The following ZNF407 variants were observed in gnomAD, a reference collection of about 807,000 sequenced individuals.
The protein encoded by ZNF407 is zinc finger protein 407.
A neutral mutation model predicts 131.2 loss-of-function variants in ZNF407; 17 were observed. That is an observed-to-expected ratio of 0.13 (90% CI 0.09 to 0.19). ZNF407 has a LOEUF of 0.19. Ranked by LOEUF, ZNF407 falls within the 10% of genes least tolerant of loss-of-function variation. ZNF407 has a pLI of 1.00. For missense variants in ZNF407, 2,681 were observed against 2,830.6 expected, an observed-to-expected ratio of 0.95 and a Z score of 1.20; for synonymous variants, 1,156 against 1,062.0, an observed-to-expected ratio of 1.09 and a Z score of -1.72.
intron 8 of ZNF407, among the ~76,000 whole-genome samples, chr18:75,028,168 C>T (rs1163162357): frequency 6.6e-6 from 1 of 152,172 alleles, no homozygotes; most frequent in African/African-American, 2.4e-5. Context: ...AGGGCAGGGC[C>T]CTGTGTCAGT....
intron 4 of ZNF407, among the ~76,000 whole-genome samples, chr18:74,835,741 G>C (rs111601066): frequency 0.05 from 7,560 of 151,504 alleles, 279 homozygotes; most frequent in Non-Finnish European, 0.072. Flanking sequence ...CTGTAAATTT[G>C]CTCAACCAAT....
At position 74,634,785 on chromosome 18, in the gene ZNF407, G is replaced by A. The variant is rs779760111; in HGVS notation, c.3766G>A (p.Gly1256Arg). Reference sequence around the variant, plus strand: ...ACACCTGTGCCCTGTGACGCTCGATGGGGAGCGCTCGGCTGAAAGCCCTGT... The same window carrying A: ...ACACCTGTGCCCTGTGACGCTCGATAGGGAGCGCTCGGCTGAAAGCCCTGT... ...HRHLCPVTLDGERSAESPVLV... is the reference protein window; with the variant it reads ...HRHLCPVTLDRERSAESPVLV... The change falls in exon 2 of 9, where the codon GGG becomes AGG. Residue 1256 changes from glycine (G) to arginine (R), a missense_variant. Coordinates refer to ENST00000299687, the MANE Select transcript of ZNF407 (RefSeq NM_017757.3). The A allele has an allele frequency of 6.2e-7, 1 of 1,614,032 alleles. No individual in the cohort carries two copies. Among genetic ancestry groups the A allele is most frequent in the Non-Finnish European group, 8.5e-7 (1 of 1,179,906 alleles).
chr18:74,781,111 G>A (rs1969591540), intron 3 of ZNF407, among the ~76,000 whole-genome samples: 2 of 152,100 alleles, frequency 1.3e-5, no homozygotes, highest in South Asian at 4.1e-4. Context: ...GGCTGTGCAT[G>A]TTATACTGAG....
chr18:74,734,523 T>A (rs374469674), intron 3 of ZNF407, among the ~76,000 whole-genome samples: 7 of 152,220 alleles, frequency 4.6e-5, no homozygotes, highest in African/African-American at 1.7e-4. Flanking sequence ...TAATCTTTTA[T>A]AAGTGTTTTT....
At chr18:74,888,577 CA>C (rs1971342951) in intron 6 of ZNF407, among the ~76,000 whole-genome samples, 1 of 152,106 alleles carries the variant, frequency 6.6e-6, no homozygotes, top group Non-Finnish European at 1.5e-5. Context: ...AGTTACACTT[CA>C]AAAAGTAGAT....
intron 1 of ZNF407, among the ~76,000 whole-genome samples, chr18:74,611,219 TA>T (rs1419028937): frequency 6.6e-6 from 1 of 152,122 alleles, no homozygotes; most frequent in Admixed American, 6.5e-5. Context: ...ATGACTCTGG[TA>T]TAGGAAAGGG....
chr18:74,817,986 C>T (rs547858831), intron 4 of ZNF407, among the ~76,000 whole-genome samples: 2 of 152,266 alleles, frequency 1.3e-5, no homozygotes, highest in South Asian at 2.1e-4. Flanking sequence ...CAATTCGGCA[C>T]TTTATGTATT....
chr18:74,774,381 A>G (rs1453428560), intron 3 of ZNF407, among the ~76,000 whole-genome samples: 1 of 152,216 alleles, frequency 6.6e-6, no homozygotes, highest in African/African-American at 2.4e-5. Flanking sequence ...ATACTCACAC[A>G]ATATCAAAAT....
chr18:74,852,638 A>G (rs1970805490), intron 4 of ZNF407, among the ~76,000 whole-genome samples: 5 of 152,140 alleles, frequency 3.3e-5, no homozygotes, highest in Admixed American at 3.3e-4. Flanking sequence ...TCACTTTCTT[A>G]TAATATCAAA....
intron 3 of ZNF407, among the ~76,000 whole-genome samples, chr18:74,741,535 G>C (rs1968550207): frequency 6.6e-6 from 1 of 152,052 alleles, no homozygotes; most frequent in South Asian, 2.1e-4. Flanking sequence ...TAAAATTGAT[G>C]AAAGGATGGT....
Position 75,063,182 on chromosome 18 carries a change from A to C in ZNF407, c.5461A>C (p.Lys1821Gln), listed in dbSNP as rs996295976. 1.9e-6 allele frequency: 3 copies of C among 1,603,796 alleles called. No individual in the cohort carries two copies. Among genetic ancestry groups the C allele is most frequent in the Non-Finnish European group, 2.6e-6 (3 of 1,175,160 alleles). ...IVSKSYECRL[K>Q]GQGATFVETD... ...TTCCAAGTCGTACGAGTGCCGTCTA[A>C]AGGGACAAGGAGCCACCTTCGTGGA... The change falls in exon 9 of 9, where the codon AAG becomes CAG. Residue 1821 changes from lysine (K) to glutamine (Q), a missense_variant. Coordinates refer to ENST00000299687, the MANE Select transcript of ZNF407 (RefSeq NM_017757.3). This position sits in a 1 kb window ranked among gnomAD's most constrained non-coding sequence, Gnocchi z 6.6.
intron 4 of ZNF407, among the ~76,000 whole-genome samples, chr18:74,831,980 G>C (rs1313522272): frequency 1.3e-5 from 2 of 152,166 alleles, no homozygotes; most frequent in African/African-American, 2.4e-5. Flanking sequence ...TGTCAGTCTG[G>C]ACTAACACCT....
At chr18:74,617,149 C>T (rs1983346680) in intron 1 of ZNF407, among the ~76,000 whole-genome samples, 1 of 151,406 alleles carries the variant, frequency 6.6e-6, no homozygotes, top group African/African-American at 2.4e-5. Flanking sequence ...CCACACACAT[C>T]CATATCCACG....
At chr18:74,896,047 T>C (rs911500612) in intron 7 of ZNF407, among the ~76,000 whole-genome samples, 3 of 152,170 alleles carry the variant, frequency 2.0e-5, no homozygotes, top group African/African-American at 7.2e-5. Flanking sequence ...GAAGTGAAAT[T>C]ATATATACCA....
At chr18:74,730,275 G>C (rs140711935) in intron 3 of ZNF407, among the ~76,000 whole-genome samples, 29 of 152,272 alleles carry the variant, frequency 1.9e-4, no homozygotes, top group African/African-American at 7.0e-4. Flanking sequence ...TATTCTCCCT[G>C]TAATGGCTTC....
chr18:74,889,604 A>G (rs552627131), intron 6 of ZNF407, among the ~76,000 whole-genome samples: 1 of 152,308 alleles, frequency 6.6e-6, no homozygotes, highest in African/African-American at 2.4e-5. Flanking sequence ...CTGATGTAAC[A>G]TGGTTTATTA....
intron 1 of ZNF407, among the ~76,000 whole-genome samples, chr18:74,622,366 C>G (rs7240814): frequency 0.026 from 3,941 of 152,324 alleles, 150 homozygotes; most frequent in African/African-American, 0.084. Context: ...GTTTCTATTG[C>G]CTCTTACCTT....
Position 74,632,156 on chromosome 18 carries a change from T to G in ZNF407, c.1137T>G (p.Ser379Arg). The change falls in exon 2 of 9, where the codon AGT becomes AGG. Residue 379 changes from serine (S) to arginine (R), a missense_variant. By Grantham distance (110) the Ser-to-Arg change is moderately radical (BLOSUM62 -1). This residue lies in a region of ZNF407 where 1,789 missense variants were observed against 1,748.7 expected (regional missense o/e 1.02). Transcript: ENST00000299687. The stretch of plus-strand genomic sequence containing the variant: ...TAGCTCAGAATCCTGAAAACCAGAG[T>G]AGAAAGCTAGACACCTTAGTAACCT... ...LGLAQNPENQ[S>R]RKLDTLVTSE... 6.2e-7 allele frequency: 1 copy of G among 1,613,832 alleles called. No homozygotes were observed. The highest frequency in any genetic ancestry group is 1.3e-5 in the African/African-American group (1 of 74,960).
chr18:74,868,712 C>T (rs1259494870), intron 4 of ZNF407, among the ~76,000 whole-genome samples: 1 of 152,174 alleles, frequency 6.6e-6, no homozygotes, highest in Non-Finnish European at 1.5e-5. Context: ...TTGGCTCTGT[C>T]CTTGAGACTT....
Sources: gnomAD v4.1 joint callset for allele counts (sites outside exome capture counted in the v4.1 genomes callset) on GRCh38, gnomAD v4.1.1 for gene constraint, gnomAD v4.1.1 regional missense constraint, Gnocchi (gnomAD v3.1) non-coding constraint, MANE v1.5 for transcripts, NCBI Gene and HGNC (gene_info 2026-07-23, HGNC 2026-07-21) for gene names.